DMD: variants seen among roughly 807,000 people sequenced by gnomAD.
The protein encoded by DMD is dystrophin.
Under a neutral mutation model 330.1 loss-of-function variants are expected in DMD, and 63 were observed. The observed-to-expected ratio is 0.19, with a 90% CI of 0.16 to 0.24. The LOEUF is 0.24. DMD is among the 10% of genes least tolerant of loss of function. The pLI is 1.00. For missense variants in DMD, 3,344 were observed against 2,684.1 expected (o/e 1.25, Z -5.43); for synonymous variants, 1,223 against 959.8 (o/e 1.27, Z -5.07).
chrX:32,984,892 C>T (rs1180918260), intron 2 of DMD, among the ~76,000 whole-genome samples: 1 of 111,268 alleles, frequency 9.0e-6, no homozygotes, highest in Non-Finnish European at 1.9e-5. Flanking sequence ...TATCCTTCCC[C>T]TTCCATTTAC....
chrX:32,614,562 G>A (rs1468093175), intron 11 of DMD, 109 bp from the exon 12 acceptor site: 33 of 647,516 alleles, frequency 5.1e-5, no homozygotes, highest in Non-Finnish European at 7.6e-5. Context: ...CGCATTTGGG[G>A]GCATCTATTG....
At chrX:33,004,262 T>A (rs2093348962) in intron 2 of DMD, among the ~76,000 whole-genome samples, 1 of 111,781 alleles carries the variant, frequency 8.9e-6, no homozygotes. Flanking sequence ...ACTCAAGATG[T>A]TAGCAAATTT....
At chrX:33,162,036 A>C (rs960981973) in intron 1 of DMD, among the ~76,000 whole-genome samples, 1 of 111,594 alleles carries the variant, frequency 9.0e-6, no homozygotes, top group African/African-American at 3.3e-5. Flanking sequence ...ATAGAGAGGG[A>C]AGCCACTGGG....
intron 1 of DMD, among the ~76,000 whole-genome samples, chrX:33,053,758 T>C (rs1318386996): frequency 1.8e-5 from 2 of 110,567 alleles, no homozygotes; most frequent in African/African-American, 6.6e-5. Flanking sequence ...GGGTAAAAAG[T>C]TGAGGTGGGA....
At chrX:32,937,040 G>T (rs1256129675) in intron 2 of DMD, among the ~76,000 whole-genome samples, 1 of 111,401 alleles carries the variant, frequency 9.0e-6, no homozygotes, top group African/African-American at 3.3e-5. Context: ...AGAAACTGGA[G>T]GATTGATTTC....
chrX:32,196,568 C>A (rs1205450125), intron 44 of DMD, among the ~76,000 whole-genome samples: 2 of 112,092 alleles, frequency 1.8e-5, no homozygotes, highest in Non-Finnish European at 1.9e-5. Flanking sequence ...TATATATGTG[C>A]TGATTGAGTT....
intron 60 of DMD, among the ~76,000 whole-genome samples, chrX:31,426,070 C>G (rs1357999252): frequency 9.0e-6 from 1 of 111,672 alleles, no homozygotes; most frequent in Non-Finnish European, 1.9e-5. Context: ...GTTTAACAAG[C>G]CCCCAGGGGA....
intron 2 of DMD, among the ~76,000 whole-genome samples, chrX:32,907,658 G>A (rs2086835953): frequency 9.0e-6 from 1 of 111,643 alleles, no homozygotes; most frequent in African/African-American, 3.3e-5. Context: ...AAGGAATTGG[G>A]TAACGAGATC....
rs1162440216 is a variant in DMD at position 32,216,808 on chromosome X, A to C, written c.6438+108T>G. The C allele has an allele frequency of 2.6e-5, 18 of 688,418 alleles. No homozygotes were observed. In the South Asian group the frequency reaches 3.6e-4, roughly 14 times the overall value. The allele number at this position is 688,418 out of a possible 1,213,427, so 56.7% of individuals were successfully genotyped here. On this transcript the variant is annotated intron_variant, in intron 44 of 78. Transcript: ENST00000357033. Reference sequence around the variant, plus strand: ...CTAGTAATATAATGATGACAACAACAGTCAAAAGTAATTTCCATCACCCTT... The same window carrying C: ...CTAGTAATATAATGATGACAACAACCGTCAAAAGTAATTTCCATCACCCTT...
At chrX:32,490,454 C>A (rs952206791) in intron 20 of DMD, among the ~76,000 whole-genome samples, 1 of 111,465 alleles carries the variant, frequency 9.0e-6, no homozygotes, top group Admixed American at 9.6e-5. Context: ...CCACTGTCCG[C>A]TCTTCTCCTG....
At chrX:32,104,433 C>G (rs1164129149) in intron 44 of DMD, among the ~76,000 whole-genome samples, 1 of 111,006 alleles carries the variant, frequency 9.0e-6, no homozygotes, top group South Asian at 3.8e-4. Context: ...GGACTGGAGG[C>G]CAGATTTGCC....
Position 32,644,326 on chromosome X carries a change from G to A in DMD, c.1150-13C>T, listed in dbSNP as rs769904605. On this transcript the variant is annotated splice_polypyrimidine_tract_variant and intron_variant, in intron 10 of 78. Coordinates refer to ENST00000357033, the MANE Select transcript of DMD (RefSeq NM_004006.3). ...CCATCATGTACCCCTGACAAAGAAG[G>A]AAGTTAACAATTGTAATTAGAACTC... 4 of 1,206,350 alleles carry A rather than the reference G, an allele frequency of 3.3e-6. No individual in the cohort carries two copies. The highest frequency in any genetic ancestry group is 3.5e-5 in the South Asian group (2 of 56,722).
At chrX:32,938,950 T>C (rs1408555016) in intron 2 of DMD, among the ~76,000 whole-genome samples, 7 of 110,515 alleles carry the variant, frequency 6.3e-5, no homozygotes, top group Non-Finnish European at 1.3e-4. Flanking sequence ...TTATAAACTT[T>C]AAGAGAAAAA....
chrX:32,716,658 G>A (rs1053960011), intron 7 of DMD, among the ~76,000 whole-genome samples: 7 of 110,845 alleles, frequency 6.3e-5, no homozygotes, highest in African/African-American at 1.6e-4. Flanking sequence ...AGTGTGGAGC[G>A]CTCAGAAGAC....
At chrX:32,590,903 T>A (rs1231243739) in intron 13 of DMD, among the ~76,000 whole-genome samples, 1 of 111,980 alleles carries the variant, frequency 8.9e-6, no homozygotes, top group Non-Finnish European at 1.9e-5. Context: ...CTCCTAAATG[T>A]ATATTTTATA....
At chrX:32,677,122 G>T (rs1360963523) in intron 9 of DMD, among the ~76,000 whole-genome samples, 1 of 111,078 alleles carries the variant, frequency 9.0e-6, no homozygotes, top group African/African-American at 3.3e-5. Flanking sequence ...AAAATTAATT[G>T]AAAAGAGTCT....
intron 1 of DMD, among the ~76,000 whole-genome samples, chrX:33,027,201 C>A (rs1414242193): frequency 8.9e-6 from 1 of 111,902 alleles, no homozygotes; most frequent in African/African-American, 3.3e-5. Flanking sequence ...AGGATTTAAT[C>A]ACAGGGGTCC....
intron 12 of DMD, among the ~76,000 whole-genome samples, chrX:32,613,044 G>T (rs954745166): frequency 9.0e-6 from 1 of 111,599 alleles, no homozygotes; most frequent in Non-Finnish European, 1.9e-5. Context: ...GAAGGTATGA[G>T]GTAAAGGAGC....
At chrX:32,243,954 A>C (rs1297172555) in intron 43 of DMD, among the ~76,000 whole-genome samples, 1 of 19,611 alleles carries the variant, frequency 5.1e-5, no homozygotes, top group African/African-American at 1.5e-4. Context: ...AGAGGAACGA[A>C]CTTTTTTTTT....
Sources: gnomAD v4.1 joint callset for allele counts (sites outside exome capture counted in the v4.1 genomes callset) on GRCh38, gnomAD v4.1.1 for gene constraint, MANE v1.5 for transcripts, NCBI Gene and HGNC (gene_info 2026-07-23, HGNC 2026-07-21) for gene names.